SLC35F1: variants seen among roughly 807,000 people sequenced by gnomAD.
SLC35F1 encodes solute carrier family 35 member F1, also known as chromosome 6 open reading frame 169.
SLC35F1 carries 14 observed loss-of-function variants against 48.7 expected under a neutral mutation model. That is an observed-to-expected ratio of 0.29 (90% CI 0.19 to 0.45). The LOEUF is 0.45. Ranked by LOEUF, SLC35F1 falls within the 20% of genes least tolerant of loss-of-function variation. SLC35F1 has a pLI of 1.00. For synonymous variants in SLC35F1, 190 were observed against 202.2 expected (o/e 0.94, Z 0.51); for missense variants, 404 against 500.0 (o/e 0.81, Z 1.83).
chr6:117,924,134 T>G (rs559175006), intron 1 of SLC35F1, among the ~76,000 whole-genome samples: 1 of 134,124 alleles, frequency 7.5e-6, no homozygotes, highest in South Asian at 2.3e-4. Context: ...TAGGTACACA[T>G]GCATATGTAT....
In SLC35F1 at chr6:118,021,219, A is replaced by G. The variant is rs1038359939; in HGVS notation, c.173+113320A>G. On this transcript the variant is annotated intron_variant, in intron 1 of 7. Coordinates refer to ENST00000360388, the MANE Select transcript of SLC35F1 (RefSeq NM_001029858.4). The stretch of plus-strand genomic sequence containing the variant: ...TCAGAGACATCTTGCAACAAGCAGT[A>G]ATTGGATTTTAGAGATTGAGTAGAG... Among the ~76,000 whole-genome samples, 6 of 152,162 alleles carry G rather than the reference A, an allele frequency of 3.9e-5. No homozygotes were observed. In the South Asian group the frequency reaches 8.3e-4, roughly 21 times the overall value.
intron 2 of SLC35F1, 136 bp from the exon 3 acceptor site, chr6:118,235,373 T>G: frequency 1.1e-6 from 1 of 893,284 alleles, no homozygotes; most frequent in Non-Finnish European, 1.6e-6. Flanking sequence ...ATCTGATACG[T>G]TGATTTATTT....
At chr6:117,937,305 G>A (rs2760248) in intron 1 of SLC35F1, among the ~76,000 whole-genome samples, 14,837 of 152,198 alleles carry the variant, frequency 0.097, 1,659 homozygotes, top group African/African-American at 0.27. Flanking sequence ...GGAAGGCAGC[G>A]CACTACGAGG....
chr6:117,931,545 C>T (rs1776102052), intron 1 of SLC35F1, among the ~76,000 whole-genome samples: 1 of 152,180 alleles, frequency 6.6e-6, no homozygotes, highest in African/African-American at 2.4e-5. Context: ...CACTTCCTGG[C>T]ACAACATTTG....
At chr6:118,071,501 A>T (rs9489303) in intron 1 of SLC35F1, among the ~76,000 whole-genome samples, 27,242 of 151,804 alleles carry the variant, frequency 0.18, 2,657 homozygotes, top group Admixed American at 0.28. Context: ...CACAACTGCC[A>T]TCTCTAGGAC....
chr6:118,156,670 AAAATAAAAT>A (rs1222470995), intron 2 of SLC35F1, among the ~76,000 whole-genome samples: 1 of 80,710 alleles, frequency 1.2e-5, no homozygotes, highest in African/African-American at 4.0e-5. Flanking sequence ...AGTATAATAA[AAAATAAAAT>A]AAAATAAAAT....
intron 1 of SLC35F1, among the ~76,000 whole-genome samples, chr6:117,987,542 A>G (rs575155295): frequency 1.3e-5 from 2 of 151,912 alleles, no homozygotes; most frequent in East Asian, 3.9e-4. Flanking sequence ...CTCTGCACAG[A>G]CTTAGGGTTT....
At position 118,154,540 on chromosome 6, in the gene SLC35F1, C is replaced by A. The variant is rs1411095218; in HGVS notation, c.269C>A (p.Ala90Asp). The change falls in exon 2 of 8, where the codon GCC (alanine) becomes GAC (aspartate). Residue 90 changes from alanine to aspartate, a missense_variant. Physicochemically the swap from Ala to Asp is moderately radical, Grantham distance 126. Transcript: ENST00000360388. ...TSKYLSEDFH[A>D]NTPVFQSFLN... is the part of the protein sequence containing the mutation. ...AAGTATCTGTCAGAAGATTTCCACGCCAACACACCAGTCTTCCAGAGTTTC... is the reference window on the plus strand; with the variant it reads ...AAGTATCTGTCAGAAGATTTCCACGACAACACACCAGTCTTCCAGAGTTTC... 1.9e-6 allele frequency: 3 copies of A among 1,613,952 alleles called. No homozygotes were observed. The highest frequency in any genetic ancestry group is 2.7e-5 in the African/African-American group (2 of 74,930).
intron 1 of SLC35F1, among the ~76,000 whole-genome samples, chr6:117,921,621 G>C (rs770932399): frequency 1.2e-4 from 19 of 152,322 alleles, no homozygotes; most frequent in South Asian, 2.1e-4. Flanking sequence ...CAAGCCTAAA[G>C]AAGTATAGGC....
intron 1 of SLC35F1, among the ~76,000 whole-genome samples, chr6:118,025,519 C>G (rs1459861218): frequency 6.6e-6 from 1 of 152,118 alleles, no homozygotes; most frequent in Admixed American, 6.5e-5. Context: ...AAGGAAGTCA[C>G]CATGTACAGT....
intron 1 of SLC35F1, among the ~76,000 whole-genome samples, chr6:118,033,332 A>C (rs925169526): frequency 1.7e-4 from 26 of 152,324 alleles, no homozygotes; most frequent in African/African-American, 6.3e-4. Flanking sequence ...TCAGTGGCTC[A>C]GTAAATGTTA....
intron 3 of SLC35F1, among the ~76,000 whole-genome samples, chr6:118,261,713 G>A (rs1389295024): frequency 6.6e-6 from 1 of 152,156 alleles, no homozygotes; most frequent in African/African-American, 2.4e-5. Context: ...AGAGAGTGAG[G>A]TTCCCTTGGA....
At chr6:118,294,695 T>C (rs1481362672) in intron 7 of SLC35F1, among the ~76,000 whole-genome samples, 1 of 152,210 alleles carries the variant, frequency 6.6e-6, no homozygotes, top group Non-Finnish European at 1.5e-5. Context: ...TTGGTTTATA[T>C]GGCTCTCCAT....
At chr6:118,093,549 C>T (rs374271854) in intron 1 of SLC35F1, among the ~76,000 whole-genome samples, 18 of 152,222 alleles carry the variant, frequency 1.2e-4, no homozygotes, top group African/African-American at 2.9e-4. Flanking sequence ...AGGGAACTTC[C>T]GCTACACAAG....
chr6:117,966,380 G>GT (rs1776570752), intron 1 of SLC35F1, among the ~76,000 whole-genome samples: 1 of 151,064 alleles, frequency 6.6e-6, no homozygotes, highest in Non-Finnish European at 1.5e-5. Context: ...TTTAAGAGCT[G>GT]TAACACTCGC....
intron 1 of SLC35F1, among the ~76,000 whole-genome samples, chr6:118,127,472 G>C (rs11153723): frequency 0.2 from 30,524 of 151,784 alleles, 3,252 homozygotes; most frequent in East Asian, 0.32. Flanking sequence ...CCCGGCTTTG[G>C]TATCAGGATG....
intron 2 of SLC35F1, among the ~76,000 whole-genome samples, chr6:118,213,338 G>A (rs1022521688): frequency 6.6e-6 from 1 of 152,176 alleles, no homozygotes; most frequent in African/African-American, 2.4e-5. Flanking sequence ...TGTGAGATAA[G>A]CATGCAGGAT....
chr6:118,281,200 C>CTATATATATA (rs756821926), intron 6 of SLC35F1, among the ~76,000 whole-genome samples: 147 of 119,962 alleles, frequency 1.2e-3, no homozygotes, highest in African/African-American at 4.2e-3. Context: ...CTCTCTCTCT[C>CTATATATATA]TCTCTATATA....
At chr6:118,015,674 A>G (rs1488351026) in intron 1 of SLC35F1, among the ~76,000 whole-genome samples, 1 of 152,168 alleles carries the variant, frequency 6.6e-6, no homozygotes, top group Non-Finnish European at 1.5e-5. Context: ...TGTTCTCTAA[A>G]CAGAGTTTTC....
Sources: gnomAD v4.1 joint callset for allele counts (sites outside exome capture counted in the v4.1 genomes callset) on GRCh38, gnomAD v4.1.1 for gene constraint, MANE v1.5 for transcripts, NCBI Gene and HGNC (gene_info 2026-07-23, HGNC 2026-07-21) for gene names.